Variants in ADGRL3 observed in about 807,000 individuals in gnomAD.
ADGRL3 encodes the protein calcium-independent alpha-latrotoxin receptor 3.
Under a neutral mutation model 153.5 loss-of-function variants are expected in ADGRL3, and 62 were observed. The ratio of observed to expected loss-of-function variants is 0.40; its 90% CI spans 0.33 to 0.50. The LOEUF (loss-of-function observed/expected upper bound fraction) is 0.50. Ranked by LOEUF, ADGRL3 falls within the 20% of genes least tolerant of loss-of-function variation. The pLI, the probability that ADGRL3 is intolerant of heterozygous loss-of-function variation, is 0.47. For missense variants in ADGRL3, 1,641 were observed against 1,859.4 expected (o/e 0.88, Z 2.16); for synonymous variants, 710 against 672.5 (o/e 1.06, Z -0.86).
Position 62,076,618 on chromosome 4 carries a change from T to C in ADGRL3, c.*5710T>C, listed in dbSNP as rs1725593581. 1 of 152,032 alleles carries C rather than the reference T, an allele frequency of 6.6e-6. No individual in the cohort carries two copies. Among genetic ancestry groups the C allele is most frequent in the Non-Finnish European group, 1.5e-5 (1 of 67,926 alleles). 9.4% of individuals were successfully genotyped at this position (152,032 alleles called of 1,614,324 possible). A position where few individuals can be genotyped will look rare whatever the true frequency, so the allele number is the denominator to read the frequency against. On this transcript the variant is annotated 3_prime_UTR_variant, in exon 27 of 27. Transcript: ENST00000683033. Reference sequence around the variant, plus strand: ...AATGTTACAGATGTATTCCGAAAAGTAAAATGGGAGTTTCCTATATTCTGA... The same window carrying C: ...AATGTTACAGATGTATTCCGAAAAGCAAAATGGGAGTTTCCTATATTCTGA...
rs181338390 is a variant in ADGRL3, at chr4:61,734,247, A to T, written c.1399+693A>T. Among the ~76,000 whole-genome samples, 925 of 151,138 alleles carry T rather than the reference A, an allele frequency of 6.1e-3. 7 individuals carry two copies. The highest frequency in any genetic ancestry group is 9.2e-3 in the Non-Finnish European group (624 of 67,692). Reference sequence around the variant, plus strand: ...TTAAAGACAATCATAAATACCTTTAATTTTTTTTTCATTTTTATGTACTCA... The same window carrying T: ...TTAAAGACAATCATAAATACCTTTATTTTTTTTTTCATTTTTATGTACTCA... On this transcript the variant is annotated intron_variant, in intron 8 of 26. Coordinates refer to ENST00000683033, the MANE Select transcript of ADGRL3 (RefSeq NM_001387552.1).
chr4:61,432,634 CTTTCTTTCTTTCTTTCTTTCT>C lies in ADGRL3; in HGVS notation c.-174+49449_-174+49469del, dbSNP rs1560623301. Among the ~76,000 whole-genome samples, 222 of 32,616 alleles carry C rather than the reference CTTTCTTTCTTTCTTTCTTTCT, an allele frequency of 6.8e-3. 20 individuals are homozygous for C. Among genetic ancestry groups the C allele is most frequent in the African/African-American group, 0.019 (199 of 10,290 alleles). The allele number at this position is 32,616 out of a possible 152,430, so 21.4% of individuals were successfully genotyped here. ...TCTTTCTTTCTTTCTTTCTTTCTTT[CTTTCTTTCTTTCTTTCTTTCT>C]TTTTTTTTTTTTTTTGAGACAGAAT... On this transcript the variant is annotated intron_variant, in intron 2 of 26. Coordinates refer to ENST00000683033, the MANE Select transcript of ADGRL3 (RefSeq NM_001387552.1).
intron 3 of ADGRL3, among the ~76,000 whole-genome samples, chr4:61,501,991 C>G (rs1467305155): frequency 1.3e-5 from 2 of 152,060 alleles, no homozygotes; most frequent in Non-Finnish European, 2.9e-5. Flanking sequence ...GCAATGAGAC[C>G]TGGCAGAAGT....
intron 5 of ADGRL3, among the ~76,000 whole-genome samples, chr4:61,628,866 G>A (rs952216546): frequency 6.6e-6 from 1 of 152,158 alleles, no homozygotes; most frequent in African/African-American, 2.4e-5. Context: ...CTTTGTTCTT[G>A]TTGACAGTAT....
intron 1 of ADGRL3, among the ~76,000 whole-genome samples, chr4:61,354,330 T>A (rs932540842): frequency 2.0e-5 from 3 of 152,158 alleles, no homozygotes; most frequent in South Asian, 2.1e-4. Flanking sequence ...ACAGTTTATT[T>A]CAAATACATG....
At chr4:62,007,669 G>A (rs1048943904) in intron 21 of ADGRL3, among the ~76,000 whole-genome samples, 4 of 151,400 alleles carry the variant, frequency 2.6e-5, no homozygotes, top group African/African-American at 7.3e-5. Flanking sequence ...AACATGTGGG[G>A]CCTCATGCAC....
chr4:61,272,624 T>C (rs551413005), intron 1 of ADGRL3, among the ~76,000 whole-genome samples: 1 of 152,116 alleles, frequency 6.6e-6, no homozygotes, highest in Non-Finnish European at 1.5e-5. Flanking sequence ...AGTAGGACTC[T>C]TCAGTGTGAC....
chr4:61,238,582 A>G (rs1401583743), intron 1 of ADGRL3, among the ~76,000 whole-genome samples: 1 of 152,006 alleles, frequency 6.6e-6, no homozygotes, highest in Non-Finnish European at 1.5e-5. Context: ...GCATCAACCT[A>G]AAATTGATGA....
At chr4:61,249,927 A>G (rs1435869969) in intron 1 of ADGRL3, among the ~76,000 whole-genome samples, 3 of 152,144 alleles carry the variant, frequency 2.0e-5, no homozygotes, top group African/African-American at 2.4e-5. Context: ...TTCCCTTACC[A>G]TTACTGTAAC....
intron 15 of ADGRL3, among the ~76,000 whole-genome samples, chr4:61,938,732 C>G (rs1458692584): frequency 6.6e-6 from 1 of 151,844 alleles, no homozygotes; most frequent in Non-Finnish European, 1.5e-5. Context: ...ATGCATCTAG[C>G]GGAAGTGCCC....
intron 6 of ADGRL3, among the ~76,000 whole-genome samples, chr4:61,720,183 A>G (rs1554012162): frequency 6.7e-6 from 1 of 149,762 alleles, no homozygotes; most frequent in Non-Finnish European, 1.5e-5. Flanking sequence ...TCCGCCTCCC[A>G]GGTTGAAGGG....
chr4:62,012,999 G>C (rs1008776108), intron 21 of ADGRL3, among the ~76,000 whole-genome samples: 24 of 152,156 alleles, frequency 1.6e-4, no homozygotes, highest in African/African-American at 5.5e-4. Flanking sequence ...AGAATCAAAG[G>C]GAGCAGCAGC....
chr4:61,965,852 G>A (rs1031233214), intron 17 of ADGRL3, among the ~76,000 whole-genome samples: 1 of 152,092 alleles, frequency 6.6e-6, no homozygotes, highest in Non-Finnish European at 1.5e-5. Context: ...TTTACTCTGC[G>A]TATCATTACA....
chr4:62,005,141 G>C (rs779479216), intron 21 of ADGRL3, among the ~76,000 whole-genome samples: 7 of 152,174 alleles, frequency 4.6e-5, no homozygotes, highest in Admixed American at 6.5e-5. Context: ...TCACTTCTTT[G>C]AAAACTGAAT....
chr4:61,363,832 C>T (rs2096338911), intron 1 of ADGRL3, among the ~76,000 whole-genome samples: 1 of 151,940 alleles, frequency 6.6e-6, no homozygotes, highest in Middle Eastern at 3.4e-3. Context: ...TAAATTGAGG[C>T]AAAAGTACTT....
At chr4:61,600,761 G>T (rs1030502623) in intron 5 of ADGRL3, among the ~76,000 whole-genome samples, 2 of 152,056 alleles carry the variant, frequency 1.3e-5, no homozygotes, top group African/African-American at 4.8e-5. Context: ...CAAAATAGAA[G>T]GGTTTAAAGA....
At position 61,780,113 on chromosome 4, in the gene ADGRL3, A is replaced by G. The variant is rs538094007; in HGVS notation, c.1400-33696A>G. Among the ~76,000 whole-genome samples, 12 of 152,336 alleles carry G rather than the reference A, an allele frequency of 7.9e-5. No homozygotes were observed. The South Asian group carries it at 1.2e-3, about 16-fold the overall frequency. ...TAAGAAGCTGTGGAGCAATATATAT[A>G]TACTACCTTCCTCTCTAGACTTAGG... On this transcript the variant is annotated intron_variant, in intron 8 of 26. Transcript: ENST00000683033.
At chr4:61,679,896 T>C (rs961984816) in intron 6 of ADGRL3, among the ~76,000 whole-genome samples, 1 of 152,098 alleles carries the variant, frequency 6.6e-6, no homozygotes, top group African/African-American at 2.4e-5. Flanking sequence ...AGTACATTAA[T>C]GGCATGTGGT....
At chr4:61,874,815 T>C (rs2098465156) in intron 9 of ADGRL3, among the ~76,000 whole-genome samples, 1 of 108,056 alleles carries the variant, frequency 9.3e-6, no homozygotes, top group Admixed American at 1.0e-4. Flanking sequence ...TTTTTTTTTT[T>C]TTTTGAGACG....
Sources: allele counts gnomAD v4.1 joint callset (sites outside exome capture counted in the v4.1 genomes callset), GRCh38; gene constraint gnomAD v4.1.1; transcripts MANE v1.5; gene names NCBI Gene and HGNC (gene_info 2026-07-23, HGNC 2026-07-21).